PHF3: variants seen among roughly 807,000 people sequenced by gnomAD.
The protein encoded by PHF3 is PHD finger protein 3.
In PHF3, 41 loss-of-function variants were observed where a neutral mutation model predicts 178.4. That is an observed-to-expected ratio of 0.23 (90% confidence interval 0.18 to 0.30). The LOEUF is 0.30. Ranked by LOEUF, PHF3 falls within the 10% of genes least tolerant of loss-of-function variation. PHF3 has a pLI of 1.00. For synonymous variants in PHF3, 842 were observed against 800.5 expected (o/e 1.05, Z -0.88); for missense variants, 2,346 against 2,398.1 (o/e 0.98, Z 0.45).
At chr6:63,706,397 A>C (rs1767694001) in intron 12 of PHF3, among the ~76,000 whole-genome samples, 173 bp downstream of exon 12, 1 of 152,118 alleles carries the variant, frequency 6.6e-6, no homozygotes, top group Non-Finnish European at 1.5e-5. Context: ...ATATATTTGG[A>C]GTGTTTTCAG....
At chr6:63,679,836 A>T in intron 2 of PHF3, 164 bp from the exon 3 acceptor site, 1 of 674,316 alleles carries the variant, frequency 1.5e-6, no homozygotes, top group South Asian at 1.5e-5. Flanking sequence ...TTGATTTGGG[A>T]GTTTGGTAGT....
At chr6:63,647,717 A>G (rs1764849718) in intron 2 of PHF3, among the ~76,000 whole-genome samples, 1 of 152,196 alleles carries the variant, frequency 6.6e-6, no homozygotes, top group Non-Finnish European at 1.5e-5. Flanking sequence ...TGTCATGTTA[A>G]TGTATAAAAA....
chr6:63,643,813 A>T (rs1270222491), intron 1 of PHF3, among the ~76,000 whole-genome samples: 1 of 152,090 alleles, frequency 6.6e-6, no homozygotes, highest in Non-Finnish European at 1.5e-5. Context: ...TGCTTTATTT[A>T]AAAAAAATCG....
rs1454893044 is a variant in PHF3, at chr6:63,636,139, T to C, written c.-37T>C. ...CTTGCTGCCAGTGGTAGCGCTCGTCTGGCGGAGCTGGGTGAGTTGCGGCTG... is the reference window on the plus strand; with the variant it reads ...CTTGCTGCCAGTGGTAGCGCTCGTCCGGCGGAGCTGGGTGAGTTGCGGCTG... On this transcript the variant is annotated 5_prime_UTR_variant, in exon 1 of 16. Coordinates refer to ENST00000262043, the MANE Select transcript of PHF3 (RefSeq NM_001370348.2). 5.2e-6 allele frequency: 2 copies of C among 388,050 alleles called. No individual in the cohort carries two copies. The highest frequency in any genetic ancestry group is 2.1e-5 in the African/African-American group (1 of 48,240). 24.0% of individuals were successfully genotyped at this position (388,050 alleles called of 1,614,324 possible).
At chr6:63,681,178 A>G (rs1268759109) in intron 3 of PHF3, among the ~76,000 whole-genome samples, 1 of 151,862 alleles carries the variant, frequency 6.6e-6, no homozygotes, top group African/African-American at 2.4e-5. Flanking sequence ...TGAGAAGTTT[A>G]TTTTGATGTG....
At chr6:63,647,501 A>C (rs1013362035) in intron 2 of PHF3, among the ~76,000 whole-genome samples, 1 of 152,100 alleles carries the variant, frequency 6.6e-6, no homozygotes, top group African/African-American at 2.4e-5. Context: ...TTATGTGCTG[A>C]GGTGATATTT....
In PHF3 at chr6:63,721,200, A is replaced by C; in HGVS notation, c.*7492A>C. The C allele has an allele frequency of 1.9e-5, 29 of 1,551,712 alleles. No homozygotes were observed. The highest frequency in any genetic ancestry group is 2.5e-5 in the Non-Finnish European group (29 of 1,146,932). On this transcript the variant is annotated 3_prime_UTR_variant, in exon 16 of 16. Transcript: ENST00000262043. The stretch of plus-strand genomic sequence containing the variant: ...AGTTTTGTTTTCACAATACCTTCCC[A>C]CCCAACCCAAAGTACACAGGCAACT...
At chr6:63,668,110 G>C (rs1249952888) in intron 2 of PHF3, among the ~76,000 whole-genome samples, 3 of 152,176 alleles carry the variant, frequency 2.0e-5, no homozygotes, top group Non-Finnish European at 4.4e-5. Flanking sequence ...CAAAATGATG[G>C]CTTTCTAAAT....
In PHF3 at chr6:63,718,114, T is replaced by C. The variant is rs1258248463; in HGVS notation, c.*4406T>C. 2.0e-5 allele frequency among the ~76,000 whole-genome samples: 3 copies of C among 152,070 alleles called. No homozygotes were observed. Among genetic ancestry groups the C allele is most frequent in the African/African-American group, 7.2e-5 (3 of 41,450 alleles). On this transcript the variant is annotated 3_prime_UTR_variant, in exon 16 of 16. Coordinates refer to ENST00000262043, the MANE Select transcript of PHF3 (RefSeq NM_001370348.2). Reference sequence around the variant, plus strand: ...TTCCAGGATTTTAAGGTGAAAAATATATTTTCAAGTCATTTTGATTTATAG... The same window carrying C: ...TTCCAGGATTTTAAGGTGAAAAATACATTTTCAAGTCATTTTGATTTATAG...
rs1325709047 is a variant in PHF3, at chr6:63,670,174, TTCTC to T, written c.245-9825_245-9822del. ...GGTTATTCCATGTTTGGATGCTTCCTTCTCATCTGTGCTTTCTAAACTGTCATCC... is the reference window on the plus strand; with the variant it reads ...GGTTATTCCATGTTTGGATGCTTCCTATCTGTGCTTTCTAAACTGTCATCC... On this transcript the variant is annotated intron_variant, in intron 2 of 15. Coordinates refer to ENST00000262043, the MANE Select transcript of PHF3 (RefSeq NM_001370348.2). 2.5e-3 allele frequency among the ~76,000 whole-genome samples: 377 copies of T among 152,350 alleles called. 1 individual carries two copies. Among genetic ancestry groups the T allele is most frequent in the East Asian group, 7.7e-3 (40 of 5,186 alleles).
chr6:63,711,497 A>G, intron 15 of PHF3, 89 bp from the exon 16 acceptor site: 1 of 1,355,162 alleles, frequency 7.4e-7, no homozygotes, highest in Non-Finnish European at 1.0e-6. Context: ...GCACCATTTA[A>G]TATCCTGTAA....
In PHF3 at chr6:63,712,098, A is replaced by G; in HGVS notation, c.4510A>G (p.Asn1504Asp). The change falls in exon 16 of 16, where the codon AAC (asparagine) becomes GAC (aspartate). Residue 1504 changes from asparagine (N) to aspartate (D), a missense_variant. Around this residue, in one of 8 missense-constraint regions of PHF3, gnomAD observed 839 missense variants for 806.9 expected, o/e 1.04. Transcript: ENST00000262043. ...AATTCCATTTTTAAATGAGCAGACC[A>G]ACTCAAAAATAGAGAAAACAGATAA... Reference protein sequence around the residue: ...KEIPFLNEQTNSKIEKTDNVE... With the variant: ...KEIPFLNEQTDSKIEKTDNVE... The G allele has an allele frequency of 6.2e-7, 1 of 1,613,744 alleles. No individual in the cohort carries two copies. The highest frequency in any genetic ancestry group is 8.5e-7 in the Non-Finnish European group (1 of 1,179,952).
In PHF3 at chr6:63,724,269, C is replaced by T. The variant is rs1768527528; in HGVS notation, c.*10561C>T. 6.6e-6 allele frequency among the ~76,000 whole-genome samples: 1 copy of T among 152,172 alleles called. No homozygotes were observed. The highest frequency in any genetic ancestry group is 2.1e-4 in the South Asian group (1 of 4,828). ...TGTTCTGCTATTGTTTCTACCTCAT[C>T]ATCTGCTATCCCACCGTGCTTTATT... On this transcript the variant is annotated 3_prime_UTR_variant, in exon 16 of 16. Transcript: ENST00000262043.
chr6:63,670,680 A>G (rs1486356356), intron 2 of PHF3, among the ~76,000 whole-genome samples: 13 of 152,212 alleles, frequency 8.5e-5, no homozygotes, highest in Admixed American at 7.2e-4. Flanking sequence ...AGATAGAGCC[A>G]TGATATTTTT....
chr6:63,655,690 G>A (rs1358322569), intron 2 of PHF3, among the ~76,000 whole-genome samples: 1 of 152,162 alleles, frequency 6.6e-6, no homozygotes, highest in Non-Finnish European at 1.5e-5. Flanking sequence ...AAGCACAGTG[G>A]TAACTACTAC....
chr6:63,669,400 A>G (rs1765812846), intron 2 of PHF3, among the ~76,000 whole-genome samples: 2 of 152,182 alleles, frequency 1.3e-5, no homozygotes, highest in Non-Finnish European at 2.9e-5. Context: ...TGGGACAAAT[A>G]CACTAGGAAA....
Position 63,646,515 on chromosome 6 carries a change from G to T in PHF3, c.-25-12G>T, listed in dbSNP as rs1351040000. On this transcript the variant is annotated splice_polypyrimidine_tract_variant and intron_variant, in intron 1 of 15. Transcript: ENST00000262043. ...CTTTATTTCTTATGGTATTTTTTTT[G>T]TCTTTCTATAGGGCTGAAAGACACA... The T allele has an allele frequency of 1.8e-5, 27 of 1,510,584 alleles. No individual in the cohort carries two copies. The highest frequency in any genetic ancestry group is 1.7e-4 in the Admixed American group (8 of 47,332). 93.6% of individuals were successfully genotyped at this position (1,510,584 alleles called of 1,614,324 possible).
intron 1 of PHF3, among the ~76,000 whole-genome samples, chr6:63,643,247 G>A (rs1764652582): frequency 6.6e-6 from 1 of 152,082 alleles, no homozygotes; most frequent in Admixed American, 6.5e-5. Context: ...TGCCTGTTTA[G>A]CATTAGAGCT....
intron 4 of PHF3, chr6:63,686,251 G>A (rs1429293682): frequency 3.0e-5 from 7 of 230,138 alleles, no homozygotes; most frequent in Admixed American, 2.7e-4. Context: ...ATACTGCTTT[G>A]GGTCTGTAAG....
Sources: gnomAD v4.1 joint callset for allele counts (sites outside exome capture counted in the v4.1 genomes callset) on GRCh38, gnomAD v4.1.1 for gene constraint, gnomAD v4.1.1 regional missense constraint, MANE v1.5 for transcripts, NCBI Gene and HGNC (gene_info 2026-07-23, HGNC 2026-07-21) for gene names.